Variants in PHF19 observed in about 807,000 individuals in gnomAD.
PHF19 encodes polycomb like 3.
PHF19 carries 21 observed loss-of-function variants against 79.8 expected under a neutral mutation model. The ratio of observed to expected loss-of-function variants is 0.26; its 90% CI spans 0.19 to 0.38. The LOEUF (loss-of-function observed/expected upper bound fraction) is 0.38. Among genes scored for constraint, PHF19 ranks in the 10% least tolerant of loss-of-function variants. The pLI, the probability that PHF19 is intolerant of heterozygous loss-of-function variation, is 1.00. For synonymous variants in PHF19, 273 were observed against 296.3 expected (o/e 0.92, Z 0.81); for missense variants, 445 against 744.2 (o/e 0.60, Z 4.68).
the PHF19 span, among the ~76,000 whole-genome samples, chr9:120,901,486 C>A: frequency 6.6e-6 from 1 of 152,192 alleles, no homozygotes; most frequent in Non-Finnish European, 1.5e-5. Context: ...TGAGCCACCA[C>A]ACCCAGCTGC....
the PHF19 span, among the ~76,000 whole-genome samples, chr9:120,900,184 G>A: frequency 5.9e-5 from 9 of 152,114 alleles, no homozygotes; most frequent in African/African-American, 1.9e-4. Flanking sequence ...ACAGGGTTTC[G>A]CCATGTTGGC....
In PHF19 at chr9:120,860,277, A is replaced by T; in HGVS notation, c.1305-92T>A. 1 of 707,426 alleles carries T rather than the reference A, an allele frequency of 1.4e-6. No individual in the cohort carries two copies. 43.8% of individuals were successfully genotyped at this position (707,426 alleles called of 1,614,324 possible). On this transcript the variant is annotated intron_variant, in intron 13 of 14. Transcript: ENST00000373896. The surrounding 1 kb of genome is among the most constrained non-coding windows in gnomAD (Gnocchi z 4.1). ...CAGGTTCCCCTAACATGCATCCTTCATCCCAGTGGAGGCCCGTCTTCCCAC... is the reference window on the plus strand; with the variant it reads ...CAGGTTCCCCTAACATGCATCCTTCTTCCCAGTGGAGGCCCGTCTTCCCAC...
At chr9:120,881,146 TTTG>T, upstream of PHF19, among the ~76,000 whole-genome samples, 1 of 143,910 alleles carries the variant, frequency 6.9e-6, no homozygotes, top group African/African-American at 2.6e-5. Context: ...ACATCGGGGG[TTTG>T]TTTTTTTTTT....
At chr9:120,858,811 T>TCTCA (rs764897588) in intron 14 of PHF19, among the ~76,000 whole-genome samples, 14 of 122,802 alleles carry the variant, frequency 1.1e-4, no homozygotes, top group African/African-American at 4.0e-4. Flanking sequence ...CTGACAGACA[T>TCTCA]CACACACACA....
intron 12 of PHF19, 130 bp from the exon 13 acceptor site, chr9:120,861,304 A>C (rs1470232187): frequency 4.2e-6 from 3 of 716,938 alleles, no homozygotes; most frequent in African/African-American, 3.5e-5. Context: ...CATCACCTTT[A>C]TTCCAAGTCC....
In PHF19 at chr9:120,865,700, C is replaced by T. The variant is rs370925332; in HGVS notation, c.900+10G>A. 3.7e-4 allele frequency: 590 copies of T among 1,613,964 alleles called. No individual in the cohort carries two copies. The highest frequency in any genetic ancestry group is 4.8e-4 in the Non-Finnish European group (571 of 1,179,926). On this transcript the variant is annotated intron_variant, in intron 9 of 14. Transcript: ENST00000373896. Reference sequence around the variant, plus strand: ...GCCTCCTGCCACTGACATCCCACAACCCCACATACCTTGCCAAGCTGCAGG... The same window carrying T: ...GCCTCCTGCCACTGACATCCCACAATCCCACATACCTTGCCAAGCTGCAGG...
chr9:120,884,387 C>T (rs1219857200), intron 1 of PHF19, among the ~76,000 whole-genome samples: 1 of 148,780 alleles, frequency 6.7e-6, no homozygotes, highest in Non-Finnish European at 1.5e-5. Context: ...CTCCTGGCCC[C>T]AAGCTGGGTG....
chr9:120,873,463 C>G (rs372466633), intron 3 of PHF19, among the ~76,000 whole-genome samples: 5 of 152,236 alleles, frequency 3.3e-5, no homozygotes, highest in East Asian at 1.9e-4. Context: ...TCCATCTTCA[C>G]CCTGCCTGGC....
chr9:120,879,987 C>T (rs565832329), upstream of PHF19, among the ~76,000 whole-genome samples: 2 of 148,732 alleles, frequency 1.3e-5, no homozygotes, highest in East Asian at 2.0e-4. Flanking sequence ...GGCACGGAGT[C>T]GAGTCTGTCA....
At chr9:120,899,774 C>G (rs1185832913), upstream of PHF19, among the ~76,000 whole-genome samples, 1 of 152,154 alleles carries the variant, frequency 6.6e-6, no homozygotes, top group Non-Finnish European at 1.5e-5. Flanking sequence ...GGTGTCCTGC[C>G]CACAAGCTTC....
upstream of PHF19, among the ~76,000 whole-genome samples, chr9:120,897,540 A>G (rs988610871): frequency 6.6e-6 from 1 of 152,244 alleles, no homozygotes; most frequent in African/African-American, 2.4e-5. Flanking sequence ...GAAATATTAC[A>G]TGACCTGCAT....
chr9:120,869,859 C>A lies in PHF19; in HGVS notation c.451G>T (p.Ala151Ser). The stretch of plus-strand genomic sequence containing the variant: ...GGAAGGCTCACCCGCACAGCCAGTG[C>A]GAAGATGCAGCGTCGGCAGAACCAA... ...TPWFCRRCIF[A>S]LAVRKGGALK... Residue 151 changes from alanine (A) to serine (S), a missense_variant, in exon 5 of 15, where the codon GCA (alanine) becomes TCA (serine). Ala to Ser is a moderately conservative substitution (Grantham distance 99). This residue lies in a region of PHF19 where 167 missense variants were observed against 375.8 expected (regional missense o/e 0.44). Transcript: ENST00000373896. The surrounding 1 kb of genome is among the most constrained non-coding windows in gnomAD (Gnocchi z 5.8). 6 of 1,612,176 alleles carry A rather than the reference C, an allele frequency of 3.7e-6. No homozygotes were observed. The highest frequency in any genetic ancestry group is 5.1e-6 in the Non-Finnish European group (6 of 1,179,324).
chr9:120,876,843 A>T, intron 1 of PHF19: 2 of 279,854 alleles, frequency 7.1e-6, no homozygotes, highest in Non-Finnish European at 1.1e-5. Context: ...TAGGAAAATT[A>T]AAGATCGGGG....
upstream of PHF19, among the ~76,000 whole-genome samples, chr9:120,898,917 G>A (rs948085883): frequency 3.9e-5 from 6 of 152,162 alleles, no homozygotes; most frequent in Non-Finnish European, 8.8e-5. Context: ...ATCTTATTCC[G>A]GCCAGGCTCG....
At chr9:120,873,453 T>A (rs912104042) in intron 3 of PHF19, among the ~76,000 whole-genome samples, 5 of 152,238 alleles carry the variant, frequency 3.3e-5, no homozygotes, top group Non-Finnish European at 5.9e-5. Flanking sequence ...TCCAGGCATG[T>A]CCATCTTCAC....
chr9:120,858,859 G>A lies in PHF19; in HGVS notation c.1401-573C>T, dbSNP rs981519453. Among the ~76,000 whole-genome samples, 9 of 90,620 alleles carry A rather than the reference G, an allele frequency of 9.9e-5. No individual in the cohort carries two copies. In the South Asian group the frequency reaches 1.4e-3, roughly 14 times the overall value. The allele number at this position is 90,620 out of a possible 152,430, so 59.5% of individuals were successfully genotyped here. ...CACACACACACACACACACACACAC[G>A]GGTGTTAGAGAAATGGACACACAGA... On this transcript the variant is annotated intron_variant, in intron 14 of 14. Transcript: ENST00000373896.
upstream of PHF19, among the ~76,000 whole-genome samples, chr9:120,880,332 T>C (rs1461730296): frequency 6.6e-6 from 1 of 152,144 alleles, no homozygotes; most frequent in Non-Finnish European, 1.5e-5. Flanking sequence ...CCGTCTCTAC[T>C]AAAAATACAA....
Position 120,865,611 on chromosome 9 carries a change from A to C in PHF19, c.900+99T>G. On this transcript the variant is annotated intron_variant, in intron 9 of 14. Coordinates refer to ENST00000373896, the MANE Select transcript of PHF19 (RefSeq NM_015651.3). Reference sequence around the variant, plus strand: ...CCTGGACTCAGGGATGCAGCAACTCAAGGGTGAGAGTTCAGAGACTTCCAT... The same window carrying C: ...CCTGGACTCAGGGATGCAGCAACTCCAGGGTGAGAGTTCAGAGACTTCCAT... 3 of 1,424,974 alleles carry C rather than the reference A, an allele frequency of 2.1e-6. No individual in the cohort carries two copies. In the South Asian group the frequency reaches 3.7e-5, roughly 18 times the overall value. The allele number at this position is 1,424,974 out of a possible 1,614,324, so 88.3% of individuals were successfully genotyped here. A position where few individuals can be genotyped will look rare whatever the true frequency, so the allele number is the denominator to read the frequency against.
intron 14 of PHF19, among the ~76,000 whole-genome samples, chr9:120,859,500 CCT>C (rs2045454916): frequency 6.6e-6 from 1 of 152,068 alleles, no homozygotes; most frequent in Non-Finnish European, 1.5e-5. Context: ...AGAGGAAAGC[CCT>C]GTGCTCGACC....
Sources: allele counts gnomAD v4.1 joint callset (sites outside exome capture counted in the v4.1 genomes callset), GRCh38; gene constraint gnomAD v4.1.1; regional missense constraint gnomAD v4.1.1; non-coding constraint Gnocchi (gnomAD v3.1); transcripts MANE v1.5; gene names NCBI Gene and HGNC (gene_info 2026-07-23, HGNC 2026-07-21).